SPRED1: variants seen among roughly 807,000 people sequenced by gnomAD.
SPRED1 encodes the protein sprouty related EVH1 domain containing 1.
SPRED1 carries 18 observed loss-of-function variants against 52.3 expected under a neutral mutation model. The ratio of observed to expected loss-of-function variants is 0.34; its 90% CI spans 0.24 to 0.51. SPRED1 has a LOEUF of 0.51. Ranked by LOEUF, SPRED1 falls within the 20% of genes least tolerant of loss-of-function variation. The pLI is 0.97. For missense variants in SPRED1, 485 were observed against 551.0 expected, an observed-to-expected ratio of 0.88 and a Z score of 1.20; for synonymous variants, 155 against 179.7, an observed-to-expected ratio of 0.86 and a Z score of 1.10.
chr15:38,255,378 T>C (rs1566845167), intron 1 of SPRED1, among the ~76,000 whole-genome samples: 1 of 152,208 alleles, frequency 6.6e-6, no homozygotes, highest in Non-Finnish European at 1.5e-5. Context: ...TATCCTGCTT[T>C]ATTAATAAAT....
intron 5 of SPRED1, among the ~76,000 whole-genome samples, chr15:38,345,158 T>C (rs925956889): frequency 1.3e-5 from 2 of 152,208 alleles, no homozygotes; most frequent in Non-Finnish European, 2.9e-5. Context: ...ACCAGACACC[T>C]TATTTTCTTA....
intron 4 of SPRED1, among the ~76,000 whole-genome samples, chr15:38,336,800 T>G (rs1895933181): frequency 1.3e-5 from 2 of 150,640 alleles, no homozygotes; most frequent in Non-Finnish European, 1.5e-5. Flanking sequence ...AGGGTGGGGG[T>G]GGTGAGGGAT....
chr15:38,262,696 A>G (rs1229199852), intron 1 of SPRED1, among the ~76,000 whole-genome samples: 1 of 152,220 alleles, frequency 6.6e-6, no homozygotes, highest in Non-Finnish European at 1.5e-5. Context: ...GAGACACAAT[A>G]TGAGCATGGC....
intron 4 of SPRED1, among the ~76,000 whole-genome samples, chr15:38,332,128 T>G (rs1895818095): frequency 6.6e-6 from 1 of 152,092 alleles, no homozygotes; most frequent in Non-Finnish European, 1.5e-5. Flanking sequence ...ATAAATGGGA[T>G]CAAATTATAC....
At chr15:38,283,579 G>C (rs772634629) in intron 1 of SPRED1, 8 of 806,856 alleles carry the variant, frequency 9.9e-6, no homozygotes, top group Non-Finnish European at 1.2e-5. Flanking sequence ...TGTAGAAAAT[G>C]AAAAATATAA....
At chr15:38,277,480 A>G (rs969319786) in intron 1 of SPRED1, among the ~76,000 whole-genome samples, 1 of 152,134 alleles carries the variant, frequency 6.6e-6, no homozygotes, top group Non-Finnish European at 1.5e-5. Context: ...GTAGTATTCC[A>G]TGGTGTACAT....
intron 1 of SPRED1, chr15:38,268,246 C>A (rs1195835405): frequency 6.6e-6 from 1 of 152,162 alleles, no homozygotes. Context: ...TTGTGAGTAT[C>A]CTATGCCTTT....
In SPRED1 at chr15:38,253,014, G is replaced by C; in HGVS notation, c.-172G>C. On this transcript the variant is annotated 5_prime_UTR_variant, in exon 1 of 7. Coordinates refer to ENST00000299084, the MANE Select transcript of SPRED1 (RefSeq NM_152594.3). The stretch of plus-strand genomic sequence containing the variant: ...CCACCCCCCTGCGGGGGTGGCCGGG[G>C]TTCCCGGCTGGGGGGGTACCGTTCT... 1 of 646,462 alleles carries C rather than the reference G, an allele frequency of 1.5e-6. No homozygotes were observed. Among genetic ancestry groups the C allele is most frequent in the Non-Finnish European group, 2.8e-6 (1 of 362,746 alleles). The allele number at this position is 646,462 out of a possible 1,614,324, so 40.0% of individuals were successfully genotyped here.
At chr15:38,271,711 G>A (rs909069136) in intron 1 of SPRED1, among the ~76,000 whole-genome samples, 12 of 152,084 alleles carry the variant, frequency 7.9e-5, no homozygotes, top group African/African-American at 2.4e-4. Context: ...TTTTTCCCAG[G>A]AGAGTGAGAA....
intron 1 of SPRED1, among the ~76,000 whole-genome samples, chr15:38,285,295 G>GGT: frequency 6.6e-6 from 1 of 152,272 alleles, no homozygotes; most frequent in East Asian, 1.9e-4. Flanking sequence ...TTTTTATGTA[G>GGT]GTGTGAGAGA....
chr15:38,300,322 A>T (rs960066041), intron 2 of SPRED1, among the ~76,000 whole-genome samples: 4 of 152,230 alleles, frequency 2.6e-5, no homozygotes, highest in African/African-American at 9.6e-5. Context: ...CAAGAAAAAG[A>T]AGAGCATACA....
intron 1 of SPRED1, among the ~76,000 whole-genome samples, chr15:38,267,833 A>G (rs906939587): frequency 1.3e-5 from 2 of 152,244 alleles, no homozygotes; most frequent in African/African-American, 2.4e-5. Flanking sequence ...TTTTGACTGC[A>G]TCACAGTAAC....
rs1413001423 is a variant in SPRED1, at chr15:38,351,971, T to C, written c.*307T>C. 2.4e-6 allele frequency: 1 copy of C among 414,506 alleles called. No homozygotes were observed. The highest frequency in any genetic ancestry group is 4.4e-6 in the Non-Finnish European group (1 of 228,036). 25.7% of individuals were successfully genotyped at this position (414,506 alleles called of 1,614,324 possible). On this transcript the variant is annotated 3_prime_UTR_variant, in exon 7 of 7. Coordinates refer to ENST00000299084, the MANE Select transcript of SPRED1 (RefSeq NM_152594.3). ...GGGATTAATTTTTGGCATTTTTGTA[T>C]ATTTATGCATTAGGTGATGGGACTT...
intron 2 of SPRED1, among the ~76,000 whole-genome samples, chr15:38,305,010 G>A (rs1457525096): frequency 6.6e-6 from 1 of 152,002 alleles, no homozygotes; most frequent in East Asian, 1.9e-4. Flanking sequence ...GAACTTCATT[G>A]AATCCTACAG....
At chr15:38,267,898 A>T (rs558629222) in intron 1 of SPRED1, among the ~76,000 whole-genome samples, 46 of 152,328 alleles carry the variant, frequency 3.0e-4, no homozygotes, top group African/African-American at 1.1e-3. Context: ...ACACGCACGT[A>T]TGCCCATAGG....
chr15:38,293,687 G>A (rs181195469), intron 1 of SPRED1, among the ~76,000 whole-genome samples: 14 of 152,200 alleles, frequency 9.2e-5, no homozygotes, highest in Admixed American at 5.2e-4. Flanking sequence ...TCTCTTTATC[G>A]TGATAAAATA....
chr15:38,341,234 A>T (rs4924236), intron 5 of SPRED1, among the ~76,000 whole-genome samples: 5 of 151,778 alleles, frequency 3.3e-5, no homozygotes, highest in Non-Finnish European at 7.4e-5. Context: ...AGGGGTTGAT[A>T]AATTTTAGCC....
rs570126019 is a variant in SPRED1, at chr15:38,279,687, T to G, written c.33-19686T>G. On this transcript the variant is annotated intron_variant, in intron 1 of 6. Coordinates refer to ENST00000299084, the MANE Select transcript of SPRED1 (RefSeq NM_152594.3). ...TAATCATCAGGATTAAATATAATCC[T>G]TGTAAAGCATTGAACCATATCTGCA... Among the ~76,000 whole-genome samples the G allele has an allele frequency of 1.4e-4, 21 of 152,320 alleles. No individual in the cohort carries two copies. The South Asian group carries it at 4.3e-3, about 32-fold the overall frequency.
intron 2 of SPRED1, among the ~76,000 whole-genome samples, chr15:38,302,989 T>G (rs1259809024): frequency 6.6e-6 from 1 of 151,736 alleles, no homozygotes; most frequent in Non-Finnish European, 1.5e-5. Flanking sequence ...CAGTGAAACC[T>G]CATCTCTACT....
Sources: allele counts gnomAD v4.1 joint callset (sites outside exome capture counted in the v4.1 genomes callset), GRCh38; gene constraint gnomAD v4.1.1; transcripts MANE v1.5; gene names NCBI Gene and HGNC (gene_info 2026-07-23, HGNC 2026-07-21).